The following MYCBP2 variants were observed in gnomAD, a reference collection of about 807,000 sequenced individuals.
MYCBP2 encodes MYC binding protein 2.
MYCBP2 carries 120 observed loss-of-function variants against 525.3 expected under a neutral mutation model. The observed-to-expected ratio is 0.23, with a 90% CI of 0.20 to 0.27. MYCBP2 has a LOEUF of 0.27. MYCBP2 is among the 10% of genes least tolerant of loss of function. The pLI is 1.00. For missense variants in MYCBP2, 4,149 were observed against 5,657.1 expected (o/e 0.73, Z 8.55); for synonymous variants, 1,894 against 1,955.8 (o/e 0.97, Z 0.83).
chr13:77,186,751 G>T (rs1488232875), intron 30 of MYCBP2, among the ~76,000 whole-genome samples: 1 of 150,170 alleles, frequency 6.7e-6, no homozygotes, highest in Non-Finnish European at 1.5e-5. Flanking sequence ...AGCACTTACT[G>T]CCCCATTCCC....
chr13:77,202,014 G>C (rs551527843), intron 26 of MYCBP2, among the ~76,000 whole-genome samples: 1 of 152,260 alleles, frequency 6.6e-6, no homozygotes, highest in Admixed American at 6.5e-5. Flanking sequence ...ACATTCAAAA[G>C]CTAGCAGAAG....
chr13:77,070,582 AC>A, intron 69 of MYCBP2, 48 bp downstream of exon 69: 1 of 1,322,600 alleles, frequency 7.6e-7, no homozygotes, highest in Non-Finnish European at 1.1e-6. Flanking sequence ...AAACACACAC[AC>A]ACACACACAC....
chr13:77,177,599 G>C lies in MYCBP2; in HGVS notation c.5340+149C>G, dbSNP rs991410010. 4.4e-6 allele frequency: 3 copies of C among 682,554 alleles called. No homozygotes were observed. The East Asian group carries it at 8.1e-5, about 19-fold the overall frequency. 42.3% of individuals were successfully genotyped at this position (682,554 alleles called of 1,614,324 possible). On this transcript the variant is annotated intron_variant, in intron 35 of 82. Transcript: ENST00000544440. ...AGCCTCTCAAAGAGCTGAGATTACA[G>C]GTGTGAGCCACTGTGGCCAGTCTTT...
At chr13:77,064,585 T>G (rs761114176) in intron 73 of MYCBP2, 30 bp downstream of exon 73, 1 of 1,566,800 alleles carries the variant, frequency 6.4e-7, no homozygotes, top group East Asian at 2.4e-5. Context: ...ACACCAAATT[T>G]AAAACAAAAC....
In MYCBP2 at chr13:77,211,188, G is replaced by A. The variant is rs551257498; in HGVS notation, c.3395C>T (p.Pro1132Leu). 2 of 1,494,470 alleles carry A rather than the reference G, an allele frequency of 1.3e-6. No homozygotes were observed. Among genetic ancestry groups the A allele is most frequent in the Middle Eastern group, 1.8e-4 (1 of 5,618 alleles). The allele number at this position is 1,494,470 out of a possible 1,614,324, so 92.6% of individuals were successfully genotyped here. ...DLQGFGVCLD[P>L]VYDVIWRFRP... is the part of the protein sequence containing the mutation. The stretch of plus-strand genomic sequence containing the variant: ...TTACCTCCAAATTACATCATATACA[G>A]GATCAAGACACACACCAAATCCTTG... Residue 1132 changes from proline to leucine, a missense_variant, in exon 23 of 83, where the codon CCT becomes CTT. By Grantham distance (98) the Pro-to-Leu change is moderately conservative (BLOSUM62 -3). Coordinates refer to ENST00000544440, the MANE Select transcript of MYCBP2 (RefSeq NM_015057.5).
At chr13:77,151,032 T>G in intron 46 of MYCBP2, 83 bp from the exon 47 acceptor site, 1 of 1,099,084 alleles carries the variant, frequency 9.1e-7, no homozygotes, top group Non-Finnish European at 1.4e-6. Flanking sequence ...TATTATAAAC[T>G]CATAATTATG....
intron 29 of MYCBP2, 22 bp downstream of exon 29, chr13:77,190,230 T>A (rs1470577645): frequency 6.9e-7 from 1 of 1,446,770 alleles, no homozygotes; most frequent in Admixed American, 1.7e-5. Flanking sequence ...CCATACTAAT[T>A]CAGTATAAAT....
intron 3 of MYCBP2, among the ~76,000 whole-genome samples, chr13:77,286,657 G>C (rs2076804638): frequency 7.0e-6 from 1 of 143,200 alleles, no homozygotes; most frequent in Non-Finnish European, 1.5e-5. Flanking sequence ...TTGGGAGGCT[G>C]AGGCAGGAGA....
At chr13:77,106,215 T>A (rs1212673601) in intron 55 of MYCBP2, among the ~76,000 whole-genome samples, 1 of 152,160 alleles carries the variant, frequency 6.6e-6, no homozygotes, top group African/African-American at 2.4e-5. Context: ...TTTTGAGTGT[T>A]GAGTCAACAA....
intron 52 of MYCBP2, among the ~76,000 whole-genome samples, chr13:77,130,048 T>C (rs1378203579): frequency 6.6e-6 from 1 of 151,862 alleles, no homozygotes; most frequent in Non-Finnish European, 1.5e-5. Flanking sequence ...CAAAATGTTT[T>C]ACTGATAATT....
chr13:77,082,914 T>C lies in MYCBP2; in HGVS notation c.11036+118A>G, dbSNP rs376827492. ...ACTGTAAGGAGGGAGGCACCATCTA[T>C]ATAATGTAGGGATTCTATCTTACTA... On this transcript the variant is annotated intron_variant, in intron 63 of 82. Coordinates refer to ENST00000544440, the MANE Select transcript of MYCBP2 (RefSeq NM_015057.5). The C allele has an allele frequency of 1.5e-4, 143 of 943,154 alleles. No homozygotes were observed. In the African/African-American group the frequency reaches 1.9e-3, roughly 13 times the overall value. 58.4% of individuals were successfully genotyped at this position (943,154 alleles called of 1,614,324 possible).
At chr13:77,066,180 T>C in intron 71 of MYCBP2, 92 bp from the exon 72 acceptor site, 3 of 887,648 alleles carry the variant, frequency 3.4e-6, no homozygotes, top group Non-Finnish European at 5.3e-6. Flanking sequence ...AATGCAGCAT[T>C]TTAGATTTTT....
intron 7 of MYCBP2, among the ~76,000 whole-genome samples, chr13:77,268,672 G>A (rs546919066): frequency 5.3e-5 from 8 of 151,994 alleles, no homozygotes; most frequent in African/African-American, 7.2e-5. Context: ...CCAGCTACTC[G>A]GGAGGCTGAG....
At position 77,063,558 on chromosome 13, in the gene MYCBP2, C is replaced by CAA. The variant is rs67648208; in HGVS notation, c.12673-863_12673-862dup. ...GGGCATCAAGAGTGAAACTCTGTCT[C>CAA]AAAAAAAAAAAAAAAAAAAAAAAGA... On this transcript the variant is annotated intron_variant, in intron 73 of 82. Coordinates refer to ENST00000544440, the MANE Select transcript of MYCBP2 (RefSeq NM_015057.5). Among the ~76,000 whole-genome samples the CAA allele has an allele frequency of 9.7e-4, 65 of 67,306 alleles. No individual in the cohort carries two copies. The South Asian group carries it at 0.011, about 11-fold the overall frequency. The allele number at this position is 67,306 out of a possible 152,430, so 44.2% of individuals were successfully genotyped here. A position where few individuals can be genotyped will look rare whatever the true frequency, so the allele number is the denominator to read the frequency against.
intron 1 of MYCBP2, among the ~76,000 whole-genome samples, chr13:77,323,623 T>C (rs2081954753): frequency 6.6e-6 from 1 of 152,226 alleles, no homozygotes; most frequent in Non-Finnish European, 1.5e-5. Context: ...AGTTGTCTAT[T>C]TCTCCCATTG....
Position 77,144,996 on chromosome 13 carries a change from A to C in MYCBP2, c.7188-436T>G, listed in dbSNP as rs532182264. Among the ~76,000 whole-genome samples the C allele has an allele frequency of 4.0e-4, 61 of 152,212 alleles. No individual in the cohort carries two copies. The South Asian group carries it at 0.011, about 28-fold the overall frequency. Reference sequence around the variant, plus strand: ...TGTTCTCTCTCATGCATCATCAATTACTCTCAATTTAGTGAATCATTTCGA... The same window carrying C: ...TGTTCTCTCTCATGCATCATCAATTCCTCTCAATTTAGTGAATCATTTCGA... On this transcript the variant is annotated intron_variant, in intron 48 of 82. Transcript: ENST00000544440.
At chr13:77,260,649 T>C in intron 12 of MYCBP2, 57 bp from the exon 13 acceptor site, 1 of 1,395,980 alleles carries the variant, frequency 7.2e-7, no homozygotes, top group Non-Finnish European at 9.7e-7. Flanking sequence ...ATAATAATAA[T>C]GGTTTGTATA....
At chr13:77,084,937 T>A (rs1051761560) in intron 62 of MYCBP2, among the ~76,000 whole-genome samples, 1 of 151,986 alleles carries the variant, frequency 6.6e-6, no homozygotes, top group African/African-American at 2.4e-5. Flanking sequence ...GTACTCTGCT[T>A]GGGCTCTTTT....
chr13:77,254,201 C>T (rs2071742675), intron 14 of MYCBP2, among the ~76,000 whole-genome samples: 1 of 151,828 alleles, frequency 6.6e-6, no homozygotes, highest in African/African-American at 2.4e-5. Flanking sequence ...GTAAAACAGA[C>T]ATCATTATGC....
Sources: allele counts gnomAD v4.1 joint callset (sites outside exome capture counted in the v4.1 genomes callset), GRCh38; gene constraint gnomAD v4.1.1; transcripts MANE v1.5; gene names NCBI Gene and HGNC (gene_info 2026-07-23, HGNC 2026-07-21).